SYCP1: variants seen among roughly 807,000 people sequenced by gnomAD.
The protein encoded by SYCP1 is cancer/testis antigen 8.
A neutral mutation model predicts 153.1 loss-of-function variants in SYCP1; 64 were observed. The observed-to-expected ratio is 0.42, with a 90% CI of 0.34 to 0.51. The LOEUF (loss-of-function observed/expected upper bound fraction) is 0.51, where lower values mean the gene tolerates loss of function less well. SYCP1 is among the 20% of genes least tolerant of loss of function. The probability of loss-of-function intolerance (pLI) is 0.06; values close to 1 mark genes in which losing one functional copy is unlikely to be tolerated. For synonymous variants in SYCP1, 384 were observed against 341.8 expected, an observed-to-expected ratio of 1.12 and a Z score of -1.36; for missense variants, 997 against 1,049.0, an observed-to-expected ratio of 0.95 and a Z score of 0.68.
At chr1:114,855,259 T>G (rs1570634595) in intron 1 of SYCP1, 182 bp from the exon 2 acceptor site, 1 of 341,974 alleles carries the variant, frequency 2.9e-6, no homozygotes, top group Non-Finnish European at 5.3e-6. Context: ...GAAACGAGGG[T>G]TTATTCCGTT....
intron 23 of SYCP1, among the ~76,000 whole-genome samples, chr1:114,943,394 A>G (rs1338755335): frequency 1.3e-5 from 2 of 151,954 alleles, no homozygotes; most frequent in African/African-American, 2.4e-5. Context: ...TTCATACAAT[A>G]GAACACTACT....
intron 30 of SYCP1, among the ~76,000 whole-genome samples, chr1:114,989,394 T>C (rs6698174): frequency 0.38 from 57,992 of 151,186 alleles, 12,270 homozygotes; most frequent in East Asian, 0.49. Context: ...AGTACAAAAG[T>C]CACCTAAATG....
At chr1:114,875,405 G>A (rs993212236) in intron 9 of SYCP1, among the ~76,000 whole-genome samples, 1 of 151,870 alleles carries the variant, frequency 6.6e-6, no homozygotes, top group East Asian at 1.9e-4. Flanking sequence ...GACTACAGGG[G>A]ACAGCCACTA....
rs747228169 is a variant in SYCP1 at position 114,857,436 on chromosome 1, C to T, written c.238-8C>T. ...AGTATTTTCTTATAGAAACATCTAT[C>T]TTTTTAGGTTGGTAATTCTGACTGT... On this transcript the variant is annotated splice_region_variant and splice_polypyrimidine_tract_variant and intron_variant, in intron 4 of 31. Coordinates refer to ENST00000369522, the MANE Select transcript of SYCP1 (RefSeq NM_003176.4). 20 of 1,595,334 alleles carry T rather than the reference C, an allele frequency of 1.3e-5. No individual in the cohort carries two copies. The highest frequency in any genetic ancestry group is 1.7e-5 in the Admixed American group (1 of 58,052).
intron 8 of SYCP1, among the ~76,000 whole-genome samples, chr1:114,871,855 G>A (rs1665158394): frequency 6.6e-6 from 1 of 152,112 alleles, no homozygotes. Flanking sequence ...CAAAGTGCTG[G>A]GATTACAGGT....
chr1:114,881,610 C>T (rs970919878), intron 12 of SYCP1, among the ~76,000 whole-genome samples: 1 of 151,572 alleles, frequency 6.6e-6, no homozygotes, highest in Admixed American at 6.6e-5. Context: ...TCAAGTGATC[C>T]TCCCAACCCA....
chr1:114,925,826 T>A (rs143454239), intron 21 of SYCP1, among the ~76,000 whole-genome samples: 1 of 152,276 alleles, frequency 6.6e-6, no homozygotes, highest in East Asian at 1.9e-4. Context: ...GACATATAAG[T>A]AACATGAAAA....
chr1:114,953,079 T>A (rs959262544), intron 27 of SYCP1, among the ~76,000 whole-genome samples: 1 of 152,186 alleles, frequency 6.6e-6, no homozygotes, highest in South Asian at 2.1e-4. Context: ...GGGCCAAACA[T>A]GTCTTTTTAT....
At chr1:114,940,401 C>T (rs891612844) in intron 23 of SYCP1, among the ~76,000 whole-genome samples, 1 of 152,100 alleles carries the variant, frequency 6.6e-6, no homozygotes, top group African/African-American at 2.4e-5. Flanking sequence ...CCAGACCTAT[C>T]TTAAGATGAG....
chr1:114,886,561 T>C (rs1286549791), intron 14 of SYCP1, among the ~76,000 whole-genome samples: 1 of 152,100 alleles, frequency 6.6e-6, no homozygotes, highest in Non-Finnish European at 1.5e-5. Context: ...AATTTAGTTA[T>C]ATACATAAAC....
intron 28 of SYCP1, among the ~76,000 whole-genome samples, chr1:114,978,100 T>C (rs1282837459): frequency 3.3e-5 from 5 of 151,682 alleles, no homozygotes; most frequent in Admixed American, 6.6e-5. Context: ...ATAATATTTT[T>C]ATTATTGAAG....
intron 16 of SYCP1, among the ~76,000 whole-genome samples, chr1:114,899,515 C>T (rs1052049892): frequency 5.9e-5 from 9 of 152,094 alleles, no homozygotes; most frequent in African/African-American, 2.2e-4. Context: ...TTGAGAGCAC[C>T]TGTCAAAGTT....
chr1:114,855,952 A>G (rs1663909172), intron 2 of SYCP1, among the ~76,000 whole-genome samples: 1 of 152,210 alleles, frequency 6.6e-6, no homozygotes, highest in Non-Finnish European at 1.5e-5. Context: ...ATGAATAATA[A>G]TTCGTGTTGT....
chr1:114,890,498 G>A (rs1402930416), intron 15 of SYCP1, among the ~76,000 whole-genome samples: 1 of 152,042 alleles, frequency 6.6e-6, no homozygotes, highest in African/African-American at 2.4e-5. Context: ...ATGGAGGTAT[G>A]TTAATACTGA....
chr1:114,944,499 C>A, intron 24 of SYCP1, 44 bp downstream of exon 24: 3 of 1,108,708 alleles, frequency 2.7e-6, no homozygotes, highest in South Asian at 1.6e-5. Context: ...TACTAAAAAT[C>A]TATATTTTTA....
Position 114,868,248 on chromosome 1 carries a change from C to T in SYCP1, c.599-6258C>T, listed in dbSNP as rs937363116. Among the ~76,000 whole-genome samples the T allele has an allele frequency of 2.6e-5, 4 of 151,988 alleles. No homozygotes were observed. The South Asian group carries it at 8.3e-4, about 32-fold the overall frequency. On this transcript the variant is annotated intron_variant, in intron 8 of 31. Transcript: ENST00000369522. ...TGAACTCCTGGGCTTAAGTGATCCT[C>T]CTGCCTCAGCCTCCTCAGTGGCTGA...
intron 23 of SYCP1, among the ~76,000 whole-genome samples, chr1:114,927,864 G>A (rs985530771): frequency 6.6e-6 from 1 of 152,174 alleles, no homozygotes; most frequent in African/African-American, 2.4e-5. Flanking sequence ...TGGCACCAAG[G>A]CTGGAGTGTG....
intron 29 of SYCP1, among the ~76,000 whole-genome samples, chr1:114,983,940 G>A (rs747164586): frequency 6.6e-5 from 10 of 151,428 alleles, no homozygotes; most frequent in Non-Finnish European, 1.2e-4. Context: ...TTGCTCTGTT[G>A]CCTGGGCTGG....
At chr1:114,958,001 C>T (rs149435111) in intron 27 of SYCP1, among the ~76,000 whole-genome samples, 352 of 152,300 alleles carry the variant, frequency 2.3e-3, no homozygotes, top group Non-Finnish European at 3.9e-3. Flanking sequence ...TACTGTAGCA[C>T]TATTCACAAT....
Sources: gnomAD v4.1 joint callset for allele counts (sites outside exome capture counted in the v4.1 genomes callset) on GRCh38, gnomAD v4.1.1 for gene constraint, MANE v1.5 for transcripts, NCBI Gene and HGNC (gene_info 2026-07-23, HGNC 2026-07-21) for gene names.